COLEC10: variants seen among roughly 807,000 people sequenced by gnomAD.
COLEC10 encodes collectin subfamily member 10.
COLEC10 carries 22 observed loss-of-function variants against 28.4 expected under a neutral mutation model. The ratio of observed to expected loss-of-function variants is 0.78; its 90% CI spans 0.55 to 1.11. The LOEUF is 1.11. Among genes scored for constraint, COLEC10 ranks in the 50% least tolerant of loss-of-function variants. COLEC10 has a pLI of 0.00. For missense variants in COLEC10, 361 were observed against 344.1 expected, an observed-to-expected ratio of 1.05 and a Z score of -0.39; for synonymous variants, 125 against 116.1, an observed-to-expected ratio of 1.08 and a Z score of -0.49.
chr8:118,968,483 C>A, the COLEC10 span, among the ~76,000 whole-genome samples: 1 of 152,090 alleles, frequency 6.6e-6, no homozygotes, highest in African/African-American at 2.4e-5. Context: ...TCCACAGCAA[C>A]AGGACCAGGC....
intron 2 of COLEC10, among the ~76,000 whole-genome samples, chr8:119,052,092 G>A: frequency 6.6e-6 from 1 of 152,124 alleles, no homozygotes; most frequent in East Asian, 1.9e-4. Flanking sequence ...AATACACCAG[G>A]ATGGCAAAAT....
chr8:119,084,003 C>T (rs770116417), intron 1 of COLEC10, among the ~76,000 whole-genome samples: 1 of 152,102 alleles, frequency 6.6e-6, no homozygotes, highest in Admixed American at 6.5e-5. Context: ...TGGTTGCAAA[C>T]GTATAATGTC....
At chr8:118,994,850 G>A (rs184855259), upstream of COLEC10, among the ~76,000 whole-genome samples, 7 of 152,270 alleles carry the variant, frequency 4.6e-5, no homozygotes, top group East Asian at 1.4e-3. Context: ...CCACTGATCT[G>A]ACTTTAGTTT....
rs1456016084 is a variant in COLEC10 at position 119,106,933 on chromosome 8, A to T, written c.*742A>T. 6.6e-6 allele frequency among the ~76,000 whole-genome samples: 1 copy of T among 152,190 alleles called. No individual in the cohort carries two copies. Among genetic ancestry groups the T allele is most frequent in the Non-Finnish European group, 1.5e-5 (1 of 68,028 alleles). On this transcript the variant is annotated 3_prime_UTR_variant, in exon 6 of 6. Transcript: ENST00000332843. ...CCCCTATATAGTCACACTTTGATTT[A>T]AGAAAAATGGAGCTCTTGAAATCAA...
At chr8:119,020,340 C>T (rs1473600776) in intron 2 of COLEC10, among the ~76,000 whole-genome samples, 1 of 152,072 alleles carries the variant, frequency 6.6e-6, no homozygotes, top group Non-Finnish European at 1.5e-5. Flanking sequence ...AACTGTTTAC[C>T]AGGTACTGTT....
the COLEC10 span, among the ~76,000 whole-genome samples, chr8:118,963,786 G>T: frequency 1.3e-5 from 2 of 151,920 alleles, no homozygotes; most frequent in Non-Finnish European, 2.9e-5. Flanking sequence ...GCTTTTGTCT[G>T]CCTTTTTCAC....
chr8:119,098,405 A>G (rs1815762544), intron 3 of COLEC10, among the ~76,000 whole-genome samples: 1 of 152,076 alleles, frequency 6.6e-6, no homozygotes. Context: ...CTTCATGCTA[A>G]TTCCTCCTTT....
At chr8:119,023,614 T>C (rs1814135525) in intron 2 of COLEC10, among the ~76,000 whole-genome samples, 1 of 152,202 alleles carries the variant, frequency 6.6e-6, no homozygotes, top group East Asian at 1.9e-4. Flanking sequence ...TTAAAAAATA[T>C]TCTGATTTTA....
rs895270457 is a variant in COLEC10 at position 119,013,515 on chromosome 8, T to G, written n.235+3962T>G. Among the ~76,000 whole-genome samples the G allele has an allele frequency of 7.5e-4, 114 of 151,016 alleles. 6 individuals are homozygous for G. The highest frequency in any genetic ancestry group is 2.7e-3 in the African/African-American group (108 of 40,572). On this transcript the variant is annotated intron_variant and non_coding_transcript_variant, in intron 2 of 6. Transcript: ENST00000521788. ...TGTGGTTGAGTTCAACTCAATGTCC[T>G]TATACTATATCCTTACTGATTTTCT...
At chr8:118,966,001 C>T in the COLEC10 span, among the ~76,000 whole-genome samples, 1 of 151,990 alleles carries the variant, frequency 6.6e-6, no homozygotes, top group African/African-American at 2.4e-5. Flanking sequence ...GTAGTGGTGG[C>T]ATTTTTTTAA....
upstream of COLEC10, among the ~76,000 whole-genome samples, chr8:119,064,880 C>T (rs1814924108): frequency 6.6e-6 from 1 of 151,740 alleles, no homozygotes; most frequent in African/African-American, 2.4e-5. Flanking sequence ...ACTTTGTTTG[C>T]AAAATGAAAG....
chr8:119,069,431 C>T (rs1276329170), intron 1 of COLEC10, among the ~76,000 whole-genome samples: 1 of 150,540 alleles, frequency 6.6e-6, no homozygotes, highest in Non-Finnish European at 1.5e-5. Flanking sequence ...CCCATCTCTA[C>T]AAAAAATTAA....
chr8:118,989,570 CACACACACCCCT>C, the COLEC10 span, among the ~76,000 whole-genome samples: 2 of 148,710 alleles, frequency 1.3e-5, no homozygotes, highest in African/African-American at 5.1e-5. Context: ...CACACACACA[CACACACACCCCT>C]ACCTACCCAT....
the COLEC10 span, among the ~76,000 whole-genome samples, chr8:118,957,290 A>G: frequency 6.6e-6 from 1 of 152,196 alleles, no homozygotes; most frequent in East Asian, 1.9e-4. Flanking sequence ...CCTAGAAATA[A>G]ACTCTTCGGA....
At chr8:119,038,893 A>G (rs192527962) in intron 2 of COLEC10, among the ~76,000 whole-genome samples, 6 of 152,178 alleles carry the variant, frequency 3.9e-5, no homozygotes, top group Non-Finnish European at 1.5e-5. Flanking sequence ...CAGTCACATT[A>G]GCCTTTTTTT....
chr8:119,061,760 A>G (rs370851199), intron 2 of COLEC10, among the ~76,000 whole-genome samples: 35 of 152,216 alleles, frequency 2.3e-4, no homozygotes, highest in African/African-American at 8.2e-4. Context: ...CAAGAAAAAA[A>G]AAGACGCAGA....
chr8:118,996,186 C>T (rs1323610122), intron 1 of COLEC10, among the ~76,000 whole-genome samples: 1 of 152,206 alleles, frequency 6.6e-6, no homozygotes, highest in African/African-American at 2.4e-5. Context: ...CAAGGGTCAT[C>T]CATGTTGTTA....
chr8:119,088,144 G>A (rs1815519239), intron 1 of COLEC10, among the ~76,000 whole-genome samples: 1 of 150,920 alleles, frequency 6.6e-6, no homozygotes, highest in African/African-American at 2.4e-5. Context: ...GAAAAAGAGA[G>A]AGAAGGAAGG....
At chr8:119,060,631 G>C (rs532459238) in intron 2 of COLEC10, among the ~76,000 whole-genome samples, 2 of 152,150 alleles carry the variant, frequency 1.3e-5, no homozygotes, top group South Asian at 4.1e-4. Flanking sequence ...GAATGCTACT[G>C]GTAATATACA....
Sources: gnomAD v4.1 joint callset for allele counts (sites outside exome capture counted in the v4.1 genomes callset) on GRCh38, gnomAD v4.1.1 for gene constraint, MANE v1.5 for transcripts, NCBI Gene and HGNC (gene_info 2026-07-23, HGNC 2026-07-21) for gene names.